The following SLCO6A1 variants were observed in gnomAD, a reference collection of about 807,000 sequenced individuals.
SLCO6A1 encodes the protein solute carrier organic anion transporter family member 6A1.
Under a neutral mutation model 72.7 loss-of-function variants are expected in SLCO6A1, and 65 were observed. The observed-to-expected ratio is 0.89, with a 90% CI of 0.73 to 1.10. SLCO6A1 has a LOEUF of 1.10. Ranked by LOEUF, SLCO6A1 falls within the 50% of genes least tolerant of loss-of-function variation. The probability of loss-of-function intolerance (pLI) is 0.00; values close to 1 mark genes in which losing one functional copy is unlikely to be tolerated. For synonymous variants in SLCO6A1, 314 were observed against 298.2 expected (o/e 1.05, Z -0.55); for missense variants, 874 against 872.6 (o/e 1.00, Z -0.02).
At chr5:102,415,021 T>G (rs1170993384) in intron 8 of SLCO6A1, among the ~76,000 whole-genome samples, 1 of 151,818 alleles carries the variant, frequency 6.6e-6, no homozygotes, top group Non-Finnish European at 1.5e-5. Flanking sequence ...AGGTGAAAGA[T>G]CTCTATAAGA....
intron 7 of SLCO6A1, among the ~76,000 whole-genome samples, chr5:102,433,594 C>G (rs1382620152): frequency 6.6e-6 from 1 of 152,182 alleles, no homozygotes; most frequent in African/African-American, 2.4e-5. Flanking sequence ...TGGGCACTGG[C>G]TTTGTTCTCT....
At chr5:102,457,937 C>T (rs10041892) in intron 6 of SLCO6A1, among the ~76,000 whole-genome samples, 98,380 of 151,914 alleles carry the variant, frequency 0.65, 32,059 homozygotes, top group African/African-American at 0.67. Context: ...AATGATGAGT[C>T]CATGTCCTTT....
chr5:102,395,800 A>G (rs1449757973), intron 10 of SLCO6A1, among the ~76,000 whole-genome samples: 2 of 152,120 alleles, frequency 1.3e-5, no homozygotes, highest in Non-Finnish European at 2.9e-5. Flanking sequence ...AGTGATGATG[A>G]GCATTTTTTC....
chr5:102,372,589 G>A (rs1176360191), intron 13 of SLCO6A1, among the ~76,000 whole-genome samples: 3 of 150,870 alleles, frequency 2.0e-5, no homozygotes, highest in Non-Finnish European at 3.0e-5. Context: ...AAATAATTAC[G>A]ATTAATTATA....
chr5:102,432,628 T>C (rs572723895), intron 7 of SLCO6A1, among the ~76,000 whole-genome samples: 193 of 152,288 alleles, frequency 1.3e-3, no homozygotes, highest in African/African-American at 4.4e-3. Context: ...GTCTAGCTTG[T>C]AGGGTTCCTG....
At chr5:102,497,594 T>C (rs1215509434) in intron 1 of SLCO6A1, among the ~76,000 whole-genome samples, 1 of 152,218 alleles carries the variant, frequency 6.6e-6, no homozygotes, top group Non-Finnish European at 1.5e-5. Flanking sequence ...TTTTTGAAAC[T>C]ACCTTTGCAA....
chr5:102,417,045 A>C (rs1748323228), intron 8 of SLCO6A1, among the ~76,000 whole-genome samples: 1 of 152,124 alleles, frequency 6.6e-6, no homozygotes, highest in South Asian at 2.1e-4. Flanking sequence ...GTTAATACAT[A>C]CTTAGGATTG....
At chr5:102,469,737 G>C (rs551146182) in intron 4 of SLCO6A1, among the ~76,000 whole-genome samples, 1 of 151,914 alleles carries the variant, frequency 6.6e-6, no homozygotes, top group East Asian at 1.9e-4. Context: ...GTCTTGTGCC[G>C]GTTTTCAAAG....
intron 9 of SLCO6A1, among the ~76,000 whole-genome samples, chr5:102,403,028 A>G (rs1747483332): frequency 6.6e-6 from 1 of 152,208 alleles, no homozygotes; most frequent in Admixed American, 6.5e-5. Context: ...ACCTAGAATA[A>G]TGTAAAGCTA....
intron 1 of SLCO6A1, among the ~76,000 whole-genome samples, chr5:102,490,117 T>C (rs1003819464): frequency 6.6e-6 from 1 of 152,152 alleles, no homozygotes; most frequent in Non-Finnish European, 1.5e-5. Context: ...CAGAGGTTGG[T>C]CAATGAGTAC....
intron 7 of SLCO6A1, among the ~76,000 whole-genome samples, chr5:102,426,200 T>C (rs1296288121): frequency 6.6e-6 from 1 of 152,088 alleles, no homozygotes. Context: ...ATTCAGGACA[T>C]AGGCATGGGC....
intron 12 of SLCO6A1, among the ~76,000 whole-genome samples, chr5:102,382,666 A>C (rs937747125): frequency 6.6e-6 from 1 of 151,010 alleles, no homozygotes; most frequent in Admixed American, 6.6e-5. Context: ...TCTTTCATCA[A>C]TCTCTTATGA....
chr5:102,447,284 T>A (rs1431474219), intron 6 of SLCO6A1, among the ~76,000 whole-genome samples: 2 of 152,202 alleles, frequency 1.3e-5, no homozygotes, highest in Non-Finnish European at 2.9e-5. Context: ...TTTTTGAGAA[T>A]GTTTGCATTT....
intron 9 of SLCO6A1, among the ~76,000 whole-genome samples, chr5:102,401,075 A>G (rs1747373233): frequency 6.6e-6 from 1 of 151,982 alleles, no homozygotes; most frequent in Non-Finnish European, 1.5e-5. Context: ...GGGTTATAGG[A>G]CAATACTTAA....
At chr5:102,411,204 G>A (rs1354528889) in intron 9 of SLCO6A1, among the ~76,000 whole-genome samples, 3 of 151,926 alleles carry the variant, frequency 2.0e-5, no homozygotes, top group Admixed American at 2.0e-4. Flanking sequence ...CAATAAAGTT[G>A]GGATGATGTA....
At chr5:102,428,570 G>T (rs556718623) in intron 7 of SLCO6A1, among the ~76,000 whole-genome samples, 2 of 151,996 alleles carry the variant, frequency 1.3e-5, no homozygotes, top group African/African-American at 2.4e-5. Context: ...GTGTCACAAG[G>T]GTTTGTTATA....
At chr5:102,399,779 A>G (rs574617536) in intron 9 of SLCO6A1, 37 bp from the exon 10 acceptor site, 1 of 1,394,294 alleles carries the variant, frequency 7.2e-7, no homozygotes, top group Admixed American at 2.3e-5. Context: ...TCTTTCAGAA[A>G]AATAGTCATA....
At chr5:102,453,968 T>C (rs1161853137) in intron 6 of SLCO6A1, among the ~76,000 whole-genome samples, 1 of 152,240 alleles carries the variant, frequency 6.6e-6, no homozygotes, top group African/African-American at 2.4e-5. Flanking sequence ...ACTGGGGCCA[T>C]CTCTGACCTC....
At chr5:102,420,926 C>G (rs1748559123) in intron 7 of SLCO6A1, among the ~76,000 whole-genome samples, 3 of 152,084 alleles carry the variant, frequency 2.0e-5, no homozygotes. Flanking sequence ...CCCGGTTCAT[C>G]TCACCGGGAC....
Sources: allele counts gnomAD v4.1 joint callset (sites outside exome capture counted in the v4.1 genomes callset), GRCh38; gene constraint gnomAD v4.1.1; transcripts MANE v1.5; gene names NCBI Gene and HGNC (gene_info 2026-07-23, HGNC 2026-07-21).